The following BMPR2 variants were observed in gnomAD, a reference collection of about 807,000 sequenced individuals.
BMPR2 encodes the protein bone morphogenetic protein receptor type-2.
BMPR2 carries 29 observed loss-of-function variants against 100.8 expected under a neutral mutation model. That is an observed-to-expected ratio of 0.29 (90% CI 0.21 to 0.39). The LOEUF is 0.39. Among genes scored for constraint, BMPR2 ranks in the 10% least tolerant of loss-of-function variants. The pLI, the probability that BMPR2 is intolerant of heterozygous loss-of-function variation, is 1.00. For synonymous variants in BMPR2, 382 were observed against 442.3 expected (o/e 0.86, Z 1.71); for missense variants, 1,011 against 1,274.5 (o/e 0.79, Z 3.15).
chr2:202,539,002 G>A lies in BMPR2; in HGVS notation c.1277-3309G>A, dbSNP rs1176507276. ...GGTAACTGAGAAGTTATGAGTCGAT[G>A]CACTCCTTTAACTGGAACATAAAAA... is the stretch of plus-strand genomic sequence containing the variant. On this transcript the variant is annotated intron_variant, in intron 9 of 12. Transcript: ENST00000374580. Among the ~76,000 whole-genome samples the A allele has an allele frequency of 2.6e-5, 4 of 152,214 alleles. No homozygotes were observed. In the East Asian group the frequency reaches 7.7e-4, roughly 29 times the overall value.
At chr2:202,486,999 T>A (rs1692791587) in intron 3 of BMPR2, among the ~76,000 whole-genome samples, 1 of 152,206 alleles carries the variant, frequency 6.6e-6, no homozygotes, top group Admixed American at 6.5e-5. Context: ...TCATGGGTCT[T>A]ATATTTTGAA....
chr2:202,390,841 A>T (rs1690532377), intron 1 of BMPR2, among the ~76,000 whole-genome samples: 1 of 152,218 alleles, frequency 6.6e-6, no homozygotes, highest in Admixed American at 6.5e-5. Context: ...TAAAGGTGTT[A>T]CATGATATAA....
chr2:202,493,453 T>G (rs1047710789), intron 3 of BMPR2, among the ~76,000 whole-genome samples: 1 of 152,174 alleles, frequency 6.6e-6, no homozygotes, highest in Non-Finnish European at 1.5e-5. Flanking sequence ...GATGAAATGT[T>G]TTGATGTACA....
At position 202,376,451 on chromosome 2, in the gene BMPR2, C is replaced by T. The variant is rs1690142184; in HGVS notation, c.-1024C>T. Among the ~76,000 whole-genome samples, 1 of 145,700 alleles carries T rather than the reference C, an allele frequency of 6.9e-6. No individual in the cohort carries two copies. Among genetic ancestry groups the T allele is most frequent in the South Asian group, 2.3e-4 (1 of 4,258 alleles). ...CTACCTTCATCCGCCCTCCCGCCGC[C>T]CCCCGCCCTCGGTCCGCGACGCCCG... On this transcript the variant is annotated 5_prime_UTR_variant, in exon 1 of 13. Coordinates refer to ENST00000374580, the MANE Select transcript of BMPR2 (RefSeq NM_001204.7).
At chr2:202,391,228 A>C (rs1201907415) in intron 1 of BMPR2, among the ~76,000 whole-genome samples, 2 of 151,848 alleles carry the variant, frequency 1.3e-5, no homozygotes, top group Middle Eastern at 3.4e-3. Flanking sequence ...CGCCCGCCTC[A>C]GCCTCCCAAA....
chr2:202,498,595 AAAAC>A, intron 3 of BMPR2, among the ~76,000 whole-genome samples: 1 of 152,204 alleles, frequency 6.6e-6, no homozygotes. Context: ...GGGGAGAAAC[AAAAC>A]AAACCAAAAC....
intron 1 of BMPR2, among the ~76,000 whole-genome samples, chr2:202,409,892 A>C (rs1405780210): frequency 2.0e-5 from 3 of 152,218 alleles, no homozygotes; most frequent in Non-Finnish European, 2.9e-5. Flanking sequence ...GTGGATAATA[A>C]GACCTAGGTT....
chr2:202,543,020 A>AT (rs1333853499), intron 10 of BMPR2, among the ~76,000 whole-genome samples: 9 of 151,612 alleles, frequency 5.9e-5, no homozygotes, highest in African/African-American at 1.2e-4. Context: ...CTACTAAAAT[A>AT]CAAAAAATTA....
chr2:202,429,595 G>A (rs1342322548), intron 1 of BMPR2, among the ~76,000 whole-genome samples: 1 of 152,080 alleles, frequency 6.6e-6, no homozygotes, highest in African/African-American at 2.4e-5. Context: ...CAGTATATTA[G>A]TCTGCTTGGG....
chr2:202,394,390 C>T (rs1004603371), intron 1 of BMPR2, among the ~76,000 whole-genome samples: 1 of 150,772 alleles, frequency 6.6e-6, no homozygotes, highest in African/African-American at 2.4e-5. Flanking sequence ...TAATATTTCC[C>T]CCAAAATAAC....
At chr2:202,445,351 C>G (rs1397557565) in intron 1 of BMPR2, among the ~76,000 whole-genome samples, 1 of 149,938 alleles carries the variant, frequency 6.7e-6, no homozygotes, top group African/African-American at 2.5e-5. Flanking sequence ...CTCAGCTTCC[C>G]AAGTACCTGA....
rs774089439 is a variant in BMPR2, at chr2:202,377,493, C to A, written c.19C>A (p.Arg7=). 6.2e-7 allele frequency: 1 copy of A among 1,614,266 alleles called. No homozygotes were observed. The highest frequency in any genetic ancestry group is 1.7e-5 in the Admixed American group (1 of 60,038). MTSSLQ[R]PWRVPWLPWT... ...CCCAGGGATGACTTCCTCGCTGCAGCGGCCCTGGCGGGTGCCCTGGCTACC... is the reference window on the plus strand; with the variant it reads ...CCCAGGGATGACTTCCTCGCTGCAGAGGCCCTGGCGGGTGCCCTGGCTACC... The change falls in exon 1 of 13, where the codon CGG becomes AGG. Residue 7 remains arginine, a synonymous_variant. Coordinates refer to ENST00000374580, the MANE Select transcript of BMPR2 (RefSeq NM_001204.7).
chr2:202,380,827 C>T (rs184648593), intron 1 of BMPR2, among the ~76,000 whole-genome samples: 114 of 151,898 alleles, frequency 7.5e-4, no homozygotes, highest in African/African-American at 2.4e-3. Context: ...CCATGTTGGT[C>T]AGGCTGGTCT....
chr2:202,377,752 C>T (rs1690182914), intron 1 of BMPR2, among the ~76,000 whole-genome samples: 1 of 152,218 alleles, frequency 6.6e-6, no homozygotes, highest in South Asian at 2.1e-4. Context: ...TTTTCCTATC[C>T]CCACTTCCAT....
At chr2:202,535,869 G>A (rs1688146399) in intron 9 of BMPR2, among the ~76,000 whole-genome samples, 1 of 152,350 alleles carries the variant, frequency 6.6e-6, no homozygotes, top group South Asian at 2.1e-4. Flanking sequence ...GATCACTCGC[G>A]GTTAGGGGCT....
At chr2:202,401,422 CA>C (rs1559026622) in intron 1 of BMPR2, among the ~76,000 whole-genome samples, 1 of 152,002 alleles carries the variant, frequency 6.6e-6, no homozygotes, top group East Asian at 1.9e-4. Flanking sequence ...CATTTCAAGG[CA>C]AAGGTATTAA....
chr2:202,452,715 A>T (rs79247484), intron 1 of BMPR2, among the ~76,000 whole-genome samples: 4,030 of 152,344 alleles, frequency 0.026, 174 homozygotes, highest in African/African-American at 0.091. Context: ...GTTGAATGCC[A>T]AGTATAATGC....
At position 202,511,341 on chromosome 2, in the gene BMPR2, C is replaced by T. The variant is rs13385636; in HGVS notation, c.419-2378C>T. On this transcript the variant is annotated intron_variant, in intron 3 of 12. Transcript: ENST00000374580. ...TGAACATTTGTGTTGTTTCCACTTT[C>T]GGGTGTTGTAAATAGTGATGCTGTG... Among the ~76,000 whole-genome samples the T allele has an allele frequency of 4.0e-3, 602 of 152,222 alleles. 3 individuals are homozygous for T. The highest frequency in any genetic ancestry group is 0.014 in the African/African-American group (568 of 41,522).
At chr2:202,554,450 G>T (rs914772563) in intron 11 of BMPR2, among the ~76,000 whole-genome samples, 1 of 151,966 alleles carries the variant, frequency 6.6e-6, no homozygotes, top group Non-Finnish European at 1.5e-5. Context: ...CCATAGTTAC[G>T]CTAACTCTAG....
Sources: allele counts gnomAD v4.1 joint callset (sites outside exome capture counted in the v4.1 genomes callset), GRCh38; gene constraint gnomAD v4.1.1; transcripts MANE v1.5; gene names NCBI Gene and HGNC (gene_info 2026-07-23, HGNC 2026-07-21).